The following JADE2 variants were observed in gnomAD, a reference collection of about 807,000 sequenced individuals.
JADE2 encodes E3 ubiquitin-protein ligase Jade-2.
A neutral mutation model predicts 85.7 loss-of-function variants in JADE2; 13 were observed. The observed-to-expected ratio is 0.15, with a 90% CI of 0.10 to 0.24. The LOEUF (loss-of-function observed/expected upper bound fraction) is 0.24, where lower values mean the gene tolerates loss of function less well. Among genes scored for constraint, JADE2 ranks in the 10% least tolerant of loss-of-function variants. The pLI, the probability that JADE2 is intolerant of heterozygous loss-of-function variation, is 1.00. For synonymous variants in JADE2, 440 were observed against 456.1 expected (o/e 0.96, Z 0.45); for missense variants, 846 against 1,115.9 (o/e 0.76, Z 3.45).
At chr5:134,548,725 C>T (rs902847025) in intron 3 of JADE2, among the ~76,000 whole-genome samples, 2 of 152,234 alleles carry the variant, frequency 1.3e-5, no homozygotes, top group East Asian at 1.9e-4. Context: ...GTTCTCAGTG[C>T]CAGGCCTGGT....
At chr5:134,536,061 A>C (rs1261469303) in intron 2 of JADE2, 146 bp downstream of exon 2, 2 of 704,948 alleles carry the variant, frequency 2.8e-6, no homozygotes, top group Non-Finnish European at 4.8e-6. Flanking sequence ...AGGTTTCTCC[A>C]CTCCTGCCCT....
chr5:134,559,762 TCCCTGGAGC>T, intron 4 of JADE2, 59 bp from the exon 5 acceptor site: 1 of 1,523,478 alleles, frequency 6.6e-7, no homozygotes, highest in Non-Finnish European at 8.8e-7. Flanking sequence ...ACTGGTCAGC[TCCCTGGAGC>T]CCCTATGGCG....
rs1344683871 is a variant in JADE2, at chr5:134,579,455, TAGAG to T, written c.*143_*146del. On this transcript the variant is annotated 3_prime_UTR_variant, in exon 12 of 12. Transcript: ENST00000681547. This position sits in a 1 kb window ranked among gnomAD's most constrained non-coding sequence, Gnocchi z 4.6. ...CTCCGTCGTGGTTTTATTTTTAATA[TAGAG>T]AGAGTTTTGAATTCTACACTGTTGT... The T allele has an allele frequency of 3.1e-6, 2 of 655,512 alleles. No homozygotes were observed. Among genetic ancestry groups the T allele is most frequent in the Non-Finnish European group, 5.1e-6 (2 of 388,582 alleles). 40.6% of individuals were successfully genotyped at this position (655,512 alleles called of 1,614,324 possible).
intron 6 of JADE2, among the ~76,000 whole-genome samples, chr5:134,561,563 G>A (rs1763325581): frequency 6.7e-6 from 1 of 149,330 alleles, no homozygotes; most frequent in Non-Finnish European, 1.5e-5. Context: ...GTATCTCTGG[G>A]CCTTGACTGC....
chr5:134,535,775 A>T, intron 1 of JADE2, 83 bp from the exon 2 acceptor site: 1 of 1,087,682 alleles, frequency 9.2e-7, no homozygotes, highest in Admixed American at 1.7e-5. Flanking sequence ...AAGTGTGGGG[A>T]GGTTGGTTAT....
chr5:134,579,470 A>C lies in JADE2; in HGVS notation c.*153A>C, dbSNP rs187717865. On this transcript the variant is annotated 3_prime_UTR_variant, in exon 12 of 12. Transcript: ENST00000681547. The surrounding 1 kb of genome is among the most constrained non-coding windows in gnomAD (Gnocchi z 4.6). ...ATTTTTAATATAGAGAGAGTTTTGA[A>C]TTCTACACTGTTGTCTTTCCTCTGT... 512 of 626,686 alleles carry C rather than the reference A, an allele frequency of 8.2e-4. No homozygotes were observed. Among genetic ancestry groups the C allele is most frequent in the Non-Finnish European group, 1.2e-3 (454 of 363,562 alleles). 38.8% of individuals were successfully genotyped at this position (626,686 alleles called of 1,614,324 possible). A position where few individuals can be genotyped will look rare whatever the true frequency, so the allele number is the denominator to read the frequency against.
At chr5:134,570,514 CT>C (rs1473525068) in intron 9 of JADE2, among the ~76,000 whole-genome samples, 1 of 152,198 alleles carries the variant, frequency 6.6e-6, no homozygotes, top group African/African-American at 2.4e-5. Flanking sequence ...CCCATCTCTC[CT>C]TTCCTGTCAT....
chr5:134,566,089 C>A lies in JADE2; in HGVS notation c.970-27C>A. The stretch of plus-strand genomic sequence containing the variant: ...CCCTCCCACCAGGCTCCCTCCATGT[C>A]TGATCCTGCCCCTCCTTTCCCCTCA... On this transcript the variant is annotated intron_variant, in intron 8 of 11. Transcript: ENST00000681547. The surrounding 1 kb of genome is among the most constrained non-coding windows in gnomAD (Gnocchi z 6.7). 6.3e-7 allele frequency: 1 copy of A among 1,590,050 alleles called. No homozygotes were observed. The highest frequency in any genetic ancestry group is 1.1e-5 in the South Asian group (1 of 87,694).
rs761426156 is a variant in JADE2, at chr5:134,578,819, C to G, written c.2007C>G (p.Pro669=). 1 of 1,613,782 alleles carries G rather than the reference C, an allele frequency of 6.2e-7. No homozygotes were observed. The highest frequency in any genetic ancestry group is 8.5e-7 in the Non-Finnish European group (1 of 1,180,018). ...PGSRTTPDKA[P]KKTWGQDAGS... is the part of the protein sequence containing the mutation. ...CACGGACGACTCCAGACAAAGCCCC[C>G]AAGAAGACCTGGGGCCAGGATGCAG... is the stretch of plus-strand genomic sequence containing the variant. The change falls in exon 12 of 12, where the codon CCC becomes CCG. Residue 669 remains proline (P), a synonymous_variant. Transcript: ENST00000681547. This position sits in a 1 kb window ranked among gnomAD's most constrained non-coding sequence, Gnocchi z 4.4.
chr5:134,563,625 C>A (rs1763465505), intron 7 of JADE2, among the ~76,000 whole-genome samples: 1 of 152,228 alleles, frequency 6.6e-6, no homozygotes, highest in Admixed American at 6.5e-5. Context: ...GCCAGGTGGC[C>A]CTGTCCATAA....
At position 134,564,481 on chromosome 5, in the gene JADE2, G is replaced by C. The variant is rs778443943; in HGVS notation, c.853-13G>C. 2 of 1,562,836 alleles carry C rather than the reference G, an allele frequency of 1.3e-6. No individual in the cohort carries two copies. Among genetic ancestry groups the C allele is most frequent in the Non-Finnish European group, 1.7e-6 (2 of 1,150,412 alleles). On this transcript the variant is annotated splice_polypyrimidine_tract_variant and intron_variant, in intron 7 of 11. Transcript: ENST00000681547. ...GATGAGAGGAATGATGCAGCCCCCT[G>C]TGTCCTGCCCAGGTCAGCATCGGCT...
At chr5:134,524,372 C>G (rs1377496011), upstream of JADE2, 1 of 152,504 alleles carries the variant, frequency 6.6e-6, no homozygotes, top group Non-Finnish European at 1.5e-5. Context: ...GCCTGGCGAG[C>G]GCAGGCTCTT....
At chr5:134,574,055 T>A in intron 10 of JADE2, 1 of 464,940 alleles carries the variant, frequency 2.2e-6, no homozygotes, top group Non-Finnish European at 4.0e-6. Flanking sequence ...GCTGATTGCA[T>A]GTGAACAGGT....
intron 10 of JADE2, 77 bp from the exon 11 acceptor site, chr5:134,576,691 C>T (rs1230015573): frequency 1.1e-5 from 16 of 1,522,670 alleles, no homozygotes; most frequent in Non-Finnish European, 8.9e-7. Context: ...TCCTGGGCTG[C>T]CACGCAGGGA....
At chr5:134,565,837 A>AT (rs1385550450) in intron 8 of JADE2, among the ~76,000 whole-genome samples, 1 of 150,494 alleles carries the variant, frequency 6.6e-6, no homozygotes, top group Non-Finnish European at 1.5e-5. Context: ...AAAAAAAAAA[A>AT]AATGCAGCTT....
rs551402241 is a variant in JADE2, at chr5:134,543,510, T to TA, written c.153+5435dup. On this transcript the variant is annotated intron_variant, in intron 3 of 11. Coordinates refer to ENST00000681547, the MANE Select transcript of JADE2 (RefSeq NM_001388185.1). Reference sequence around the variant, plus strand: ...CAACATGGTGAAACCCTGTCTCTACTAAAAAAAATTTTAAAAATTAGCTGG... The same window carrying TA: ...CAACATGGTGAAACCCTGTCTCTACTAAAAAAAAATTTTAAAAATTAGCTGG... Among the ~76,000 whole-genome samples, 11 of 151,526 alleles carry TA rather than the reference T, an allele frequency of 7.3e-5. No individual in the cohort carries two copies. In the East Asian group the frequency reaches 1.8e-3, roughly 24 times the overall value.
At chr5:134,558,957 G>A (rs1459226264) in intron 4 of JADE2, among the ~76,000 whole-genome samples, 2 of 152,192 alleles carry the variant, frequency 1.3e-5, no homozygotes, top group East Asian at 1.9e-4. Flanking sequence ...CACACCCTGC[G>A]GGCAGGCCTC....
intron 1 of JADE2, among the ~76,000 whole-genome samples, chr5:134,528,796 T>G (rs1008516629): frequency 1.1e-4 from 16 of 152,202 alleles, no homozygotes; most frequent in African/African-American, 3.9e-4. Context: ...CCCATCACTT[T>G]TGGAGATGAA....
At chr5:134,525,129 T>C (rs1760719426), upstream of JADE2, among the ~76,000 whole-genome samples, 1 of 151,140 alleles carries the variant, frequency 6.6e-6, no homozygotes, top group Non-Finnish European at 1.5e-5. Context: ...ACGTCATTAA[T>C]ATGGCGCCAA....
Sources: gnomAD v4.1 joint callset for allele counts (sites outside exome capture counted in the v4.1 genomes callset) on GRCh38, gnomAD v4.1.1 for gene constraint, Gnocchi (gnomAD v3.1) non-coding constraint, MANE v1.5 for transcripts, NCBI Gene and HGNC (gene_info 2026-07-23, HGNC 2026-07-21) for gene names.